The following SHISA9 variants were observed in gnomAD, a reference collection of about 807,000 sequenced individuals.
SHISA9 encodes protein shisa-9.
In SHISA9, 13 loss-of-function variants were observed where a neutral mutation model predicts 38.0. That is an observed-to-expected ratio of 0.34 (90% CI 0.22 to 0.54). SHISA9 has a LOEUF of 0.54. Among genes scored for constraint, SHISA9 ranks in the 20% least tolerant of loss-of-function variants. SHISA9 has a pLI of 0.91. For missense variants in SHISA9, 538 were observed against 575.8 expected (o/e 0.93, Z 0.67); for synonymous variants, 275 against 242.0 (o/e 1.14, Z -1.27).
At chr16:13,416,757 A>ATGAAGGAAG in the SHISA9 span, among the ~76,000 whole-genome samples, 1 of 120,660 alleles carries the variant, frequency 8.3e-6, no homozygotes, top group African/African-American at 3.2e-5. Flanking sequence ...GAAGGAAGGA[A>ATGAAGGAAG]GGAAGGAAGG....
intron 2 of SHISA9, among the ~76,000 whole-genome samples, chr16:13,121,821 C>G (rs204042): frequency 0.43 from 60,449 of 139,012 alleles, 12,492 homozygotes; most frequent in Admixed American, 0.5. Flanking sequence ...CATTAAACAC[C>G]TATACACACA....
At chr16:13,193,920 GC>G (rs1567242540) in intron 2 of SHISA9, among the ~76,000 whole-genome samples, 4 of 152,120 alleles carry the variant, frequency 2.6e-5, no homozygotes, top group African/African-American at 9.7e-5. Context: ...ACAGCTCAGA[GC>G]TTCACTATGA....
intron 3 of SHISA9, chr16:13,204,746 A>G (rs1329379720): frequency 2.0e-5 from 3 of 152,248 alleles, no homozygotes; most frequent in Non-Finnish European, 4.4e-5. Flanking sequence ...TGAAGACACA[A>G]TGATTATCCC....
At chr16:13,156,689 G>A (rs578106657) in intron 2 of SHISA9, among the ~76,000 whole-genome samples, 112 of 146,950 alleles carry the variant, frequency 7.6e-4, no homozygotes, top group Non-Finnish European at 1.5e-3. Context: ...AGCTGAGATC[G>A]CGCCACTACA....
chr16:13,550,996 G>A, the SHISA9 span, among the ~76,000 whole-genome samples: 58 of 152,190 alleles, frequency 3.8e-4, no homozygotes, highest in Non-Finnish European at 6.2e-4. Flanking sequence ...GTTGGTGGGT[G>A]CCTGTAATCC....
chr16:12,979,243 A>G (rs1298686042), intron 2 of SHISA9, among the ~76,000 whole-genome samples: 3 of 151,918 alleles, frequency 2.0e-5, no homozygotes, highest in Non-Finnish European at 4.4e-5. Context: ...AGTAATGATT[A>G]ATTCCAGAAA....
intron 2 of SHISA9, among the ~76,000 whole-genome samples, chr16:13,096,428 G>A (rs917837499): frequency 6.6e-6 from 1 of 152,208 alleles, no homozygotes; most frequent in Non-Finnish European, 1.5e-5. Flanking sequence ...TTTACCATGT[G>A]TTAAATGTAG....
chr16:13,534,247 CAG>C, the SHISA9 span, among the ~76,000 whole-genome samples: 1 of 134,302 alleles, frequency 7.4e-6, no homozygotes, highest in Non-Finnish European at 1.6e-5. Context: ...TTTTTTGTGA[CAG>C]AGTTTTGCTC....
chr16:13,340,292 CT>C, the SHISA9 span, among the ~76,000 whole-genome samples: 1 of 152,188 alleles, frequency 6.6e-6, no homozygotes, highest in Non-Finnish European at 1.5e-5. Context: ...TCCCAAAATT[CT>C]TTGCCTTTTT....
intron 2 of SHISA9, among the ~76,000 whole-genome samples, chr16:13,109,696 A>G (rs1379554920): frequency 1.3e-5 from 2 of 152,174 alleles, no homozygotes; most frequent in Non-Finnish European, 2.9e-5. Context: ...AACCTCAGGT[A>G]ACCACTAATT....
At chr16:13,072,503 C>T (rs1005177086) in intron 2 of SHISA9, among the ~76,000 whole-genome samples, 3 of 152,196 alleles carry the variant, frequency 2.0e-5, no homozygotes, top group Admixed American at 2.0e-4. Flanking sequence ...GCCCATCACA[C>T]ATCCCATCTG....
chr16:13,174,977 A>C (rs1472630130), intron 2 of SHISA9, among the ~76,000 whole-genome samples: 2 of 152,226 alleles, frequency 1.3e-5, no homozygotes, highest in Non-Finnish European at 2.9e-5. Context: ...ACAGGACACA[A>C]AAAGAGGCTT....
chr16:13,464,017 A>C, the SHISA9 span, among the ~76,000 whole-genome samples: 1 of 152,248 alleles, frequency 6.6e-6, no homozygotes, highest in South Asian at 2.1e-4. Context: ...TCTCAGACTC[A>C]AACTGCATCC....
At chr16:13,406,998 G>A in the SHISA9 span, among the ~76,000 whole-genome samples, 1 of 149,590 alleles carries the variant, frequency 6.7e-6, no homozygotes, top group South Asian at 2.1e-4. Context: ...AATCTGGGAG[G>A]CAGAGGTTGC....
At chr16:13,273,585 C>G in the SHISA9 span, among the ~76,000 whole-genome samples, 1 of 152,146 alleles carries the variant, frequency 6.6e-6, no homozygotes, top group Non-Finnish European at 1.5e-5. Flanking sequence ...AACTGTAAGT[C>G]CATTAAACCT....
chr16:13,469,320 GAGAAAGAA>G, the SHISA9 span, among the ~76,000 whole-genome samples: 269 of 61,564 alleles, frequency 4.4e-3, 1 homozygote, highest in Middle Eastern at 0.014. Context: ...GAGAGAGAGA[GAGAAAGAA>G]AGAAAGAAAG....
the SHISA9 span, among the ~76,000 whole-genome samples, chr16:13,373,760 CAAAAAA>C: frequency 2.5e-5 from 3 of 119,196 alleles, no homozygotes; most frequent in African/African-American, 9.3e-5. Context: ...GACTCCGTCT[CAAAAAA>C]AAAAAAAAAA....
intron 2 of SHISA9, among the ~76,000 whole-genome samples, chr16:13,201,730 G>T (rs542971467): frequency 7.8e-6 from 1 of 128,796 alleles, no homozygotes; most frequent in East Asian, 2.0e-4. Flanking sequence ...GCAAGGGGCT[G>T]GTCTTTGGAC....
the SHISA9 span, among the ~76,000 whole-genome samples, chr16:13,500,809 G>C: frequency 6.6e-6 from 1 of 152,148 alleles, no homozygotes; most frequent in Admixed American, 6.5e-5. Flanking sequence ...GAAGCTTATT[G>C]GATTAATATA....
Sources: allele counts gnomAD v4.1 joint callset (sites outside exome capture counted in the v4.1 genomes callset), GRCh38; gene constraint gnomAD v4.1.1; transcripts MANE v1.5; gene names NCBI Gene and HGNC (gene_info 2026-07-23, HGNC 2026-07-21).